SPATS2: variants seen among roughly 807,000 people sequenced by gnomAD.
SPATS2 encodes the protein spermatogenesis associated serine rich 2, also known as spermatogenesis-associated serine-rich protein 2.
A neutral mutation model predicts 63.7 loss-of-function variants in SPATS2; 38 were observed. The observed-to-expected ratio is 0.60, with a 90% CI of 0.46 to 0.78. The LOEUF (loss-of-function observed/expected upper bound fraction) is 0.78, where lower values mean the gene tolerates loss of function less well. SPATS2 is among the 30% of genes least tolerant of loss of function. The pLI is 0.00. For missense variants in SPATS2, 588 were observed against 666.2 expected (o/e 0.88, Z 1.29); for synonymous variants, 207 against 232.9 (o/e 0.89, Z 1.01).
chr12:49,435,279 C>A (rs1466287123), intron 2 of SPATS2, among the ~76,000 whole-genome samples: 1 of 151,890 alleles, frequency 6.6e-6, no homozygotes, highest in Non-Finnish European at 1.5e-5. Flanking sequence ...ATCCGCCTGC[C>A]TCAGCCTTCC....
chr12:49,416,579 C>T (rs1345005921), intron 2 of SPATS2, among the ~76,000 whole-genome samples: 1 of 152,070 alleles, frequency 6.6e-6, no homozygotes, highest in Admixed American at 6.6e-5. Flanking sequence ...CCTCCGCCTC[C>T]TGGGTTCAAG....
intron 2 of SPATS2, among the ~76,000 whole-genome samples, chr12:49,439,952 A>G (rs1945386700): frequency 6.6e-6 from 1 of 152,170 alleles, no homozygotes; most frequent in African/African-American, 2.4e-5. Context: ...AGTTCCTGAT[A>G]CCCCAAGTTA....
chr12:49,503,789 C>T (rs1946609829), intron 9 of SPATS2, among the ~76,000 whole-genome samples: 1 of 152,088 alleles, frequency 6.6e-6, no homozygotes, highest in South Asian at 2.1e-4. Context: ...AAGCTTGAAC[C>T]AGCAGGAAAC....
intron 2 of SPATS2, among the ~76,000 whole-genome samples, chr12:49,457,091 G>A (rs1945732215): frequency 6.6e-6 from 1 of 151,446 alleles, no homozygotes; most frequent in Admixed American, 6.6e-5. Flanking sequence ...TTATTTTATA[G>A]CTTTTTTTGA....
chr12:49,375,839 T>A (rs962681953), intron 2 of SPATS2, among the ~76,000 whole-genome samples: 1 of 152,104 alleles, frequency 6.6e-6, no homozygotes, highest in Non-Finnish European at 1.5e-5. Context: ...GACAGGGTCT[T>A]GCTCTGTCTC....
At chr12:49,494,635 A>G (rs1592455425) in intron 6 of SPATS2, 106 bp from the exon 7 acceptor site, 1 of 1,120,660 alleles carries the variant, frequency 8.9e-7, no homozygotes, top group Non-Finnish European at 1.2e-6. Context: ...AACATACAAG[A>G]AATTGGTAAC....
chr12:49,418,353 G>A (rs1188378151), intron 2 of SPATS2, among the ~76,000 whole-genome samples: 1 of 151,928 alleles, frequency 6.6e-6, no homozygotes, highest in Non-Finnish European at 1.5e-5. Flanking sequence ...AGGCTGGAGT[G>A]CAATGGCGTG....
intron 6 of SPATS2, among the ~76,000 whole-genome samples, chr12:49,492,973 C>T (rs549570857): frequency 6.6e-6 from 1 of 151,944 alleles, no homozygotes; most frequent in South Asian, 2.1e-4. Context: ...TGGCACATGC[C>T]TGTAATCCCA....
At position 49,460,754 on chromosome 12, in the gene SPATS2, G is replaced by A; in HGVS notation, c.-243-16G>A. The A allele has an allele frequency of 3.9e-6, 2 of 518,336 alleles. No individual in the cohort carries two copies. Among genetic ancestry groups the A allele is most frequent in the South Asian group, 2.3e-5 (1 of 42,990 alleles). 32.1% of individuals were successfully genotyped at this position (518,336 alleles called of 1,614,324 possible). Reference sequence around the variant, plus strand: ...TTACTGTAATAGTATATGTGTGTTTGTGTTTTTCCCTCCAGAATCTCCCTG... The same window carrying A: ...TTACTGTAATAGTATATGTGTGTTTATGTTTTTCCCTCCAGAATCTCCCTG... On this transcript the variant is annotated splice_polypyrimidine_tract_variant and intron_variant, in intron 2 of 13. Coordinates refer to ENST00000552918, the MANE Select transcript of SPATS2 (RefSeq NM_023071.4).
chr12:49,437,317 C>T (rs1405877415), intron 2 of SPATS2, among the ~76,000 whole-genome samples: 11 of 151,106 alleles, frequency 7.3e-5, no homozygotes, highest in Non-Finnish European at 1.3e-4. Context: ...GGATGGCGGC[C>T]GGGCAGAGAC....
chr12:49,374,629 T>A (rs1417734657), intron 2 of SPATS2, among the ~76,000 whole-genome samples: 1 of 152,154 alleles, frequency 6.6e-6, no homozygotes, highest in Non-Finnish European at 1.5e-5. Context: ...TAAAGGTAAC[T>A]TCTGCAGCCA....
At chr12:49,514,864 G>A (rs1259233441) in intron 10 of SPATS2, among the ~76,000 whole-genome samples, 1 of 152,106 alleles carries the variant, frequency 6.6e-6, no homozygotes, top group Non-Finnish European at 1.5e-5. Context: ...ACTGCATCAC[G>A]GTATCTGCCA....
chr12:49,419,402 A>G (rs1443381192), intron 2 of SPATS2, among the ~76,000 whole-genome samples: 6 of 152,226 alleles, frequency 3.9e-5, no homozygotes. Context: ...ATGAATGCTA[A>G]GTATAAAGAT....
At chr12:49,418,205 C>G (rs912537288) in intron 2 of SPATS2, among the ~76,000 whole-genome samples, 1 of 145,904 alleles carries the variant, frequency 6.9e-6, no homozygotes, top group Non-Finnish European at 1.5e-5. Context: ...GCCTCAACTT[C>G]CTGCACTCAA....
At chr12:49,474,829 C>T (rs781451432) in intron 3 of SPATS2, among the ~76,000 whole-genome samples, 9 of 152,060 alleles carry the variant, frequency 5.9e-5, no homozygotes, top group Non-Finnish European at 8.8e-5. Context: ...CGAAACTGGG[C>T]GATTTACAAA....
chr12:49,492,738 A>T (rs1946403292), intron 6 of SPATS2, among the ~76,000 whole-genome samples: 1 of 152,206 alleles, frequency 6.6e-6, no homozygotes, highest in African/African-American at 2.4e-5. Flanking sequence ...TGAGTGGGAT[A>T]GTTATGATAT....
chr12:49,399,051 G>A (rs1178102583), intron 2 of SPATS2, among the ~76,000 whole-genome samples: 1 of 151,874 alleles, frequency 6.6e-6, no homozygotes, highest in Admixed American at 6.6e-5. Flanking sequence ...TTTTGCCTTT[G>A]CCAGACTCAA....
chr12:49,490,878 A>C, intron 6 of SPATS2, 147 bp downstream of exon 6: 1 of 697,210 alleles, frequency 1.4e-6, no homozygotes, highest in Non-Finnish European at 2.4e-6. Context: ...GCAGGGGCTC[A>C]CACCTGTAAT....
In SPATS2 at chr12:49,447,177, G is replaced by A. The variant is rs577352923; in HGVS notation, c.-243-13593G>A. On this transcript the variant is annotated intron_variant, in intron 2 of 13. Coordinates refer to ENST00000552918, the MANE Select transcript of SPATS2 (RefSeq NM_023071.4). ...ACTCCTGATTTCAGGTGATCCACCC[G>A]CCTTGGCCTCCCAGAGTGCTGGGAT... Among the ~76,000 whole-genome samples the A allele has an allele frequency of 2.8e-4, 43 of 152,228 alleles. No individual in the cohort carries two copies. The South Asian group carries it at 5.2e-3, about 18-fold the overall frequency.
Sources: gnomAD v4.1 joint callset for allele counts (sites outside exome capture counted in the v4.1 genomes callset) on GRCh38, gnomAD v4.1.1 for gene constraint, MANE v1.5 for transcripts, NCBI Gene and HGNC (gene_info 2026-07-23, HGNC 2026-07-21) for gene names.